TBL1X: variants seen among roughly 807,000 people sequenced by gnomAD.
TBL1X encodes the protein transducin beta like 1 X-linked.
In TBL1X, 10 loss-of-function variants were observed where a neutral mutation model predicts 50.7. The ratio of observed to expected loss-of-function variants is 0.20; its 90% confidence interval spans 0.12 to 0.33. TBL1X has a LOEUF of 0.33. TBL1X is among the 10% of genes least tolerant of loss of function. The pLI is 1.00. For synonymous variants in TBL1X, 190 were observed against 214.7 expected, an observed-to-expected ratio of 0.88 and a Z score of 1.01; for missense variants, 340 against 504.4, an observed-to-expected ratio of 0.67 and a Z score of 3.12.
At chrX:9,635,946 T>C (rs761693438) in intron 2 of TBL1X, among the ~76,000 whole-genome samples, 1 of 112,403 alleles carries the variant, frequency 8.9e-6, no homozygotes, top group African/African-American at 3.2e-5. Flanking sequence ...CACAACGTGG[T>C]TCAGCCACGC....
intron 2 of TBL1X, chrX:9,637,074 G>A (rs978823102): frequency 8.9e-6 from 1 of 111,929 alleles, no homozygotes; most frequent in Non-Finnish European, 1.9e-5. Flanking sequence ...TGACAGTGTC[G>A]GTGAGGCACC....
intron 2 of TBL1X, among the ~76,000 whole-genome samples, chrX:9,634,653 A>G (rs966207756): frequency 6.3e-5 from 7 of 110,765 alleles, no homozygotes; most frequent in African/African-American, 2.3e-4. Context: ...CGCCCAGCCT[A>G]TTATTTTTTA....
intron 1 of TBL1X, among the ~76,000 whole-genome samples, chrX:9,472,435 CTTTCTTTTTT>C (rs1332240108): frequency 3.6e-5 from 2 of 55,497 alleles, no homozygotes; most frequent in Non-Finnish European, 6.8e-5. Flanking sequence ...TTTTTTTTTT[CTTTCTTTTTT>C]TTTTTTTTTT....
intron 15 of TBL1X, among the ~76,000 whole-genome samples, chrX:9,710,237 CAG>C (rs2083237617): frequency 5.7e-5 from 4 of 70,186 alleles, no homozygotes; most frequent in Admixed American, 1.9e-4. Flanking sequence ...AAAAAAAAAA[CAG>C]AAGAAGAAAA....
intron 2 of TBL1X, among the ~76,000 whole-genome samples, chrX:9,602,176 G>GTTA (rs1195119656): frequency 8.9e-6 from 1 of 111,860 alleles, no homozygotes; most frequent in Non-Finnish European, 1.9e-5. Context: ...GAGAGAAGTG[G>GTTA]TTATAAGCAC....
intron 2 of TBL1X, among the ~76,000 whole-genome samples, chrX:9,568,050 G>A (rs930119563): frequency 1.8e-5 from 2 of 112,163 alleles, no homozygotes; most frequent in African/African-American, 6.5e-5. Flanking sequence ...CCTGGGTGCT[G>A]TTGCGGATGC....
At chrX:9,695,191 A>G (rs2083124361) in intron 11 of TBL1X, among the ~76,000 whole-genome samples, 1 of 110,286 alleles carries the variant, frequency 9.1e-6, no homozygotes, top group African/African-American at 3.3e-5. Flanking sequence ...TCATGCTACA[A>G]TGGCAGAGAT....
At chrX:9,588,581 G>A (rs1454592678) in intron 2 of TBL1X, among the ~76,000 whole-genome samples, 1 of 105,307 alleles carries the variant, frequency 9.5e-6, no homozygotes, top group Non-Finnish European at 1.9e-5. Context: ...TTGATATTTT[G>A]TCATGTACTT....
intron 2 of TBL1X, among the ~76,000 whole-genome samples, chrX:9,544,845 C>T (rs1274741662): frequency 1.8e-5 from 2 of 111,277 alleles, no homozygotes; most frequent in African/African-American, 6.5e-5. Context: ...GAATTACAGG[C>T]GTGAGCCACT....
intron 6 of TBL1X, among the ~76,000 whole-genome samples, chrX:9,685,301 T>C (rs765711743): frequency 7.9e-4 from 89 of 111,993 alleles, no homozygotes; most frequent in Non-Finnish European, 1.3e-3. Context: ...GTCCCTATTT[T>C]ATTTTTAGAG....
intron 2 of TBL1X, among the ~76,000 whole-genome samples, chrX:9,503,952 A>T (rs2082013935): frequency 9.0e-6 from 1 of 111,721 alleles, no homozygotes; most frequent in African/African-American, 3.3e-5. Flanking sequence ...GCTCCATTAA[A>T]CGGGTCCTGC....
intron 2 of TBL1X, among the ~76,000 whole-genome samples, chrX:9,639,479 A>T (rs2068116477): frequency 8.9e-6 from 1 of 112,174 alleles, no homozygotes; most frequent in African/African-American, 3.2e-5. Flanking sequence ...TTTATAAGGT[A>T]AATATCATTA....
At chrX:9,599,323 A>G (rs1453169725) in intron 2 of TBL1X, among the ~76,000 whole-genome samples, 2 of 111,702 alleles carry the variant, frequency 1.8e-5, no homozygotes, top group African/African-American at 6.5e-5. Context: ...CAAAGACCCT[A>G]TTTCCCAATA....
chrX:9,619,903 GTC>G (rs1347686636), intron 2 of TBL1X, among the ~76,000 whole-genome samples: 3 of 112,497 alleles, frequency 2.7e-5, no homozygotes, highest in African/African-American at 9.7e-5. Flanking sequence ...GTAAATCAGT[GTC>G]TGGCGGGAAA....
In TBL1X at chrX:9,719,011, TAG is replaced by T. The variant is rs1461124246; in HGVS notation, c.*2768_*2769del. On this transcript the variant is annotated 3_prime_UTR_variant, in exon 18 of 18. Transcript: ENST00000645353. ...ACCCTCTCTGCTGCTGGCATGTTGG[TAG>T]AGTCATCCCTGTAATCAAGAAATGG... 1 of 112,684 alleles carries T rather than the reference TAG, an allele frequency of 8.9e-6. No homozygotes were observed. Among genetic ancestry groups the T allele is most frequent in the African/African-American group, 3.2e-5 (1 of 30,987 alleles). 9.3% of individuals were successfully genotyped at this position (112,684 alleles called of 1,213,427 possible). A position where few individuals can be genotyped will look rare whatever the true frequency, so the allele number is the denominator to read the frequency against.
At chrX:9,533,488 CT>C (rs1039282992) in intron 2 of TBL1X, among the ~76,000 whole-genome samples, 5 of 111,489 alleles carry the variant, frequency 4.5e-5, no homozygotes, top group Admixed American at 9.5e-5. Context: ...AATATTTTAC[CT>C]TTGGGGAAGT....
intron 15 of TBL1X, among the ~76,000 whole-genome samples, chrX:9,710,063 A>G (rs1225213262): frequency 2.7e-5 from 3 of 110,808 alleles, no homozygotes. Context: ...CATCTCTACA[A>G]AAACTTAGCC....
chrX:9,532,612 C>G (rs2082167979), intron 2 of TBL1X, among the ~76,000 whole-genome samples: 2 of 111,157 alleles, frequency 1.8e-5, no homozygotes, highest in Non-Finnish European at 3.8e-5. Context: ...GTAACAGCAG[C>G]CCGTAATTCT....
At chrX:9,511,901 C>G (rs945637446) in intron 2 of TBL1X, among the ~76,000 whole-genome samples, 2 of 111,561 alleles carry the variant, frequency 1.8e-5, no homozygotes, top group Admixed American at 9.5e-5. Context: ...TGCTCTGTTG[C>G]CTGGGTTGGC....
Sources: gnomAD v4.1 joint callset for allele counts (sites outside exome capture counted in the v4.1 genomes callset) on GRCh38, gnomAD v4.1.1 for gene constraint, MANE v1.5 for transcripts, NCBI Gene and HGNC (gene_info 2026-07-23, HGNC 2026-07-21) for gene names.